GOLM1: variants seen among roughly 807,000 people sequenced by gnomAD.
The protein encoded by GOLM1 is epididymis luminal protein 46.
In GOLM1, 31 loss-of-function variants were observed where a neutral mutation model predicts 50.5. The ratio of observed to expected loss-of-function variants is 0.61; its 90% CI spans 0.46 to 0.83. The LOEUF is 0.83. Among genes scored for constraint, GOLM1 ranks in the 40% least tolerant of loss-of-function variants. The pLI is 0.00. For missense variants in GOLM1, 491 were observed against 501.3 expected, an observed-to-expected ratio of 0.98 and a Z score of 0.20; for synonymous variants, 178 against 192.8, an observed-to-expected ratio of 0.92 and a Z score of 0.64.
chr9:86,077,010 T>G (rs1834636975), intron 3 of GOLM1, among the ~76,000 whole-genome samples: 1 of 152,162 alleles, frequency 6.6e-6, no homozygotes, highest in Non-Finnish European at 1.5e-5. Context: ...AGTCTGCCTC[T>G]CCTCTCCTCC....
At chr9:86,076,911 C>A (rs1834634725) in intron 3 of GOLM1, among the ~76,000 whole-genome samples, 1 of 151,810 alleles carries the variant, frequency 6.6e-6, no homozygotes, top group South Asian at 2.1e-4. Flanking sequence ...GCAGGAAGGC[C>A]CCTTTAAATC....
At position 86,079,266 on chromosome 9, in the gene GOLM1, C is replaced by T; in HGVS notation, c.55G>A (p.Ala19Thr). ...RSMKSPPLVL[A>T]ALVACIIVLG... ...ACGATGATGCAGGCCACCAGGGCGG[C>T]CAGCACGAGGGGCGGCGACTTCATG... The change falls in exon 2 of 10, where the codon GCC (alanine) becomes ACC (threonine). Residue 19 changes from alanine (A) to threonine (T), a missense_variant. Physicochemically the swap from Ala to Thr is moderately conservative, Grantham distance 58. Transcript: ENST00000388712. The T allele has an allele frequency of 6.2e-7, 1 of 1,610,522 alleles. No individual in the cohort carries two copies. Among genetic ancestry groups the T allele is most frequent in the South Asian group, 1.1e-5 (1 of 90,902 alleles).
At chr9:86,055,138 A>G (rs1428456826) in intron 3 of GOLM1, among the ~76,000 whole-genome samples, 2 of 152,222 alleles carry the variant, frequency 1.3e-5, no homozygotes, top group East Asian at 3.8e-4. Context: ...CACAAATGAA[A>G]TCGCATCAAA....
At chr9:86,084,094 G>C (rs1037514073) in intron 1 of GOLM1, among the ~76,000 whole-genome samples, 2 of 152,290 alleles carry the variant, frequency 1.3e-5, no homozygotes, top group East Asian at 1.9e-4. Flanking sequence ...AGGAGCTTGA[G>C]ATGAACCAAC....
At chr9:86,088,834 TTGA>T (rs1261460101) in intron 1 of GOLM1, among the ~76,000 whole-genome samples, 3 of 152,158 alleles carry the variant, frequency 2.0e-5, no homozygotes, top group Non-Finnish European at 2.9e-5. Context: ...TGTCCATTAG[TTGA>T]TGCAGTTTCT....
At chr9:86,056,447 A>G (rs889110917) in intron 3 of GOLM1, among the ~76,000 whole-genome samples, 2 of 151,448 alleles carry the variant, frequency 1.3e-5, no homozygotes, top group Non-Finnish European at 2.9e-5. Flanking sequence ...TCAACATATT[A>G]TAAAGAAGAA....
chr9:86,086,265 GTCT>G (rs1170015488), intron 1 of GOLM1, among the ~76,000 whole-genome samples: 1 of 152,010 alleles, frequency 6.6e-6, no homozygotes, highest in Non-Finnish European at 1.5e-5. Flanking sequence ...CTGCATAAAT[GTCT>G]TCTTTTGAGA....
intron 3 of GOLM1, among the ~76,000 whole-genome samples, chr9:86,066,124 A>C (rs11141209): frequency 0.37 from 56,508 of 152,114 alleles, 13,837 homozygotes; most frequent in African/African-American, 0.69. Context: ...TAATTATTTT[A>C]TTTTGAAGAG....
At position 86,036,400 on chromosome 9, in the gene GOLM1, T is replaced by C; in HGVS notation, c.705A>G (p.Thr235=). 6.2e-7 allele frequency: 1 copy of C among 1,614,214 alleles called. No individual in the cohort carries two copies. The highest frequency in any genetic ancestry group is 2.2e-5 in the East Asian group (1 of 44,876). The change falls in exon 7 of 10, where the codon ACA becomes ACG. Residue 235 remains threonine (T), a synonymous_variant. Transcript: ENST00000388712. ...GNVLGNSKSQ[T]PAPSSEVVLD... ...AAACCACTTCGGAACTGGGGGCTGGTGTCTGGGACTTGCTGTTACCAAGCA... is the reference window on the plus strand; with the variant it reads ...AAACCACTTCGGAACTGGGGGCTGGCGTCTGGGACTTGCTGTTACCAAGCA...
Position 86,040,729 on chromosome 9 carries a change from C to T in GOLM1, c.597+10G>A. 4.4e-6 allele frequency: 7 copies of T among 1,604,800 alleles called. No individual in the cohort carries two copies. The highest frequency in any genetic ancestry group is 5.9e-6 in the Non-Finnish European group (7 of 1,177,372). On this transcript the variant is annotated intron_variant, in intron 6 of 9. Transcript: ENST00000388712. ...CTTCTAGAAACTCTTGGCAAAAATT[C>T]CCCAGTTACCTGCTGTCTCTGGTCG... is the stretch of plus-strand genomic sequence containing the variant.
chr9:86,038,971 T>C (rs1242235269), intron 6 of GOLM1, among the ~76,000 whole-genome samples: 1 of 152,090 alleles, frequency 6.6e-6, no homozygotes, highest in African/African-American at 2.4e-5. Context: ...AATTAAGAAC[T>C]TCTGTGCTTC....
intron 9 of GOLM1, among the ~76,000 whole-genome samples, chr9:86,030,653 G>A (rs1832947241): frequency 6.6e-6 from 1 of 152,028 alleles, no homozygotes; most frequent in Admixed American, 6.6e-5. Flanking sequence ...GTATAATCCT[G>A]AACCCAGAAA....
At position 86,026,305 on chromosome 9, in the gene GOLM1, T is replaced by G. The variant is rs1021033197; in HGVS notation, c.*1512A>C. The G allele has an allele frequency of 1.0e-6, 1 of 984,994 alleles. No homozygotes were observed. 61.0% of individuals were successfully genotyped at this position (984,994 alleles called of 1,614,324 possible). On this transcript the variant is annotated 3_prime_UTR_variant, in exon 10 of 10. Coordinates refer to ENST00000388712, the MANE Select transcript of GOLM1 (RefSeq NM_016548.4). ...AGGACTTAGAAGAGTATGAAAGTAC[T>G]CTAAGATTTTATCTAAGTTGCCTTT...
At chr9:86,035,878 C>CAAAAAAA (rs1212918413) in intron 7 of GOLM1, among the ~76,000 whole-genome samples, 1 of 101,548 alleles carries the variant, frequency 9.8e-6, no homozygotes, top group African/African-American at 4.6e-5. Context: ...AAAAAAAAAA[C>CAAAAAAA]AAAACAAAAA....
intron 3 of GOLM1, among the ~76,000 whole-genome samples, chr9:86,072,473 G>A (rs1834476919): frequency 6.6e-6 from 1 of 152,200 alleles, no homozygotes; most frequent in Non-Finnish European, 1.5e-5. Flanking sequence ...GCCTGTCTCA[G>A]TGCTGAGGAC....
chr9:86,050,069 C>T (rs1312539253), intron 4 of GOLM1, among the ~76,000 whole-genome samples: 3 of 152,170 alleles, frequency 2.0e-5, no homozygotes, highest in Non-Finnish European at 2.9e-5. Flanking sequence ...GAGTTTTTAG[C>T]ATGAAGGGCT....
chr9:86,047,287 G>C (rs1339665505), intron 4 of GOLM1, among the ~76,000 whole-genome samples: 1 of 152,240 alleles, frequency 6.6e-6, no homozygotes, highest in East Asian at 1.9e-4. Flanking sequence ...GGCGGCAGCA[G>C]CAGCCAGGCC....
At chr9:86,028,313 A>C (rs1832850168) in intron 9 of GOLM1, among the ~76,000 whole-genome samples, 1 of 152,208 alleles carries the variant, frequency 6.6e-6, no homozygotes. Flanking sequence ...GCAGAAGAAC[A>C]CATCGAAAGA....
At chr9:86,061,082 C>T (rs936230255) in intron 3 of GOLM1, among the ~76,000 whole-genome samples, 14 of 151,842 alleles carry the variant, frequency 9.2e-5, no homozygotes, top group South Asian at 2.1e-4. Flanking sequence ...TAAAACGGCA[C>T]GAGTTGTAAT....
Sources: allele counts gnomAD v4.1 joint callset (sites outside exome capture counted in the v4.1 genomes callset), GRCh38; gene constraint gnomAD v4.1.1; transcripts MANE v1.5; gene names NCBI Gene and HGNC (gene_info 2026-07-23, HGNC 2026-07-21).